The following CADPS2 variants were observed in gnomAD, a reference collection of about 807,000 sequenced individuals.
The protein encoded by CADPS2 is calcium dependent secretion activator 2, also known as calcium-dependent secretion activator 2.
Under a neutral mutation model 172.5 loss-of-function variants are expected in CADPS2, and 93 were observed. That is an observed-to-expected ratio of 0.54 (90% CI 0.46 to 0.64). The LOEUF (loss-of-function observed/expected upper bound fraction) is 0.64, where lower values mean the gene tolerates loss of function less well. Among genes scored for constraint, CADPS2 ranks in the 30% least tolerant of loss-of-function variants. CADPS2 has a pLI of 0.00. For synonymous variants in CADPS2, 546 were observed against 555.2 expected, an observed-to-expected ratio of 0.98 and a Z score of 0.23; for missense variants, 1,420 against 1,565.9, an observed-to-expected ratio of 0.91 and a Z score of 1.57.
chr7:122,474,472 G>C lies in CADPS2; in HGVS notation c.1907C>G (p.Ala636Gly). ...GGCATGATCAAGCTTGCAGGGGTTTGCAGAAATAAACTCATCCATACCATG... is the reference window on the plus strand; with the variant it reads ...GGCATGATCAAGCTTGCAGGGGTTTCCAGAAATAAACTCATCCATACCATG... ...QKHGMDEFIS[A>G]NPCKLDHAFL... Residue 636 changes from alanine to glycine, a missense_variant, in exon 13 of 30, where the codon GCA becomes GGA. Coordinates refer to ENST00000449022, the MANE Select transcript of CADPS2 (RefSeq NM_017954.11). 1 of 1,613,312 alleles carries C rather than the reference G, an allele frequency of 6.2e-7. No homozygotes were observed. The highest frequency in any genetic ancestry group is 8.5e-7 in the Non-Finnish European group (1 of 1,179,584).
In CADPS2 at chr7:122,508,686, G is replaced by A. The variant is rs1262901026; in HGVS notation, c.1542+4563C>T. 2.6e-5 allele frequency among the ~76,000 whole-genome samples: 4 copies of A among 151,226 alleles called. No individual in the cohort carries two copies. The South Asian group carries it at 8.4e-4, about 32-fold the overall frequency. On this transcript the variant is annotated intron_variant, in intron 9 of 29. Transcript: ENST00000449022. ...CTTCTCATGGATATATTTTTAAAGGGGAAACAAAGCAACTCACAGAATAAA... is the reference window on the plus strand; with the variant it reads ...CTTCTCATGGATATATTTTTAAAGGAGAAACAAAGCAACTCACAGAATAAA...
At chr7:122,857,996 C>T (rs2079419) in intron 1 of CADPS2, among the ~76,000 whole-genome samples, 67,116 of 151,910 alleles carry the variant, frequency 0.44, 17,253 homozygotes, top group African/African-American at 0.72. Context: ...CAACATTTAT[C>T]GTGAAGAGCG....
chr7:122,760,031 T>A lies in CADPS2; in HGVS notation c.340-22963A>T, dbSNP rs572622530. 1.3e-4 allele frequency among the ~76,000 whole-genome samples: 19 copies of A among 151,960 alleles called. No homozygotes were observed. The South Asian group carries it at 3.7e-3, about 30-fold the overall frequency. On this transcript the variant is annotated intron_variant, in intron 1 of 29. Transcript: ENST00000449022. Reference sequence around the variant, plus strand: ...ACACACACACGGCACAGCACATATATTTACCTATGCTTATAGTACAATGAA... The same window carrying A: ...ACACACACACGGCACAGCACATATAATTACCTATGCTTATAGTACAATGAA...
At chr7:122,600,690 G>A (rs1040197081) in intron 6 of CADPS2, among the ~76,000 whole-genome samples, 27 of 152,192 alleles carry the variant, frequency 1.8e-4, no homozygotes, top group African/African-American at 6.5e-4. Context: ...AACTTGTTAT[G>A]ACATGAGTTT....
At chr7:122,781,494 A>T (rs1792710631) in intron 1 of CADPS2, among the ~76,000 whole-genome samples, 1 of 152,122 alleles carries the variant, frequency 6.6e-6, no homozygotes, top group African/African-American at 2.4e-5. Context: ...CTGTATTGTA[A>T]TACATAAGAG....
At chr7:122,522,652 G>A (rs1350390403) in intron 8 of CADPS2, among the ~76,000 whole-genome samples, 2 of 151,932 alleles carry the variant, frequency 1.3e-5, no homozygotes, top group Non-Finnish European at 2.9e-5. Flanking sequence ...TTAAACAGTA[G>A]AACTTATTCC....
intron 1 of CADPS2, among the ~76,000 whole-genome samples, chr7:122,760,962 T>A (rs921633778): frequency 6.6e-6 from 1 of 151,984 alleles, no homozygotes; most frequent in African/African-American, 2.4e-5. Context: ...TAAAGTATGA[T>A]AATAATAAAA....
intron 8 of CADPS2, among the ~76,000 whole-genome samples, chr7:122,539,914 A>C (rs2131561072): frequency 6.6e-6 from 1 of 152,060 alleles, no homozygotes; most frequent in South Asian, 2.1e-4. Flanking sequence ...CCATTTTCCT[A>C]ATGTGTCCTT....
intron 1 of CADPS2, among the ~76,000 whole-genome samples, chr7:122,809,004 C>T (rs570134373): frequency 3.1e-4 from 47 of 152,264 alleles, no homozygotes; most frequent in African/African-American, 1.1e-3. Context: ...GGAGGGGACA[C>T]TTACAGGCTC....
chr7:122,681,338 T>C (rs1211168241), intron 2 of CADPS2: 3 of 1,391,218 alleles, frequency 2.2e-6, no homozygotes, highest in Non-Finnish European at 3.0e-6. Flanking sequence ...GAAGGAACAA[T>C]GGTCGTGCCA....
chr7:122,663,629 A>T (rs950678260), intron 2 of CADPS2, 60 bp from the exon 3 acceptor site: 28 of 1,266,150 alleles, frequency 2.2e-5, no homozygotes, highest in Non-Finnish European at 3.0e-5. Context: ...GTAGATGCTA[A>T]CACCACTTGC....
At chr7:122,652,376 GTTGA>G (rs2079248572) in intron 3 of CADPS2, among the ~76,000 whole-genome samples, 1 of 152,084 alleles carries the variant, frequency 6.6e-6, no homozygotes, top group Non-Finnish European at 1.5e-5. Flanking sequence ...AGGAAAGGCA[GTTGA>G]TTAACTGGTA....
chr7:122,647,032 G>A (rs2078636538), intron 3 of CADPS2, among the ~76,000 whole-genome samples: 1 of 152,102 alleles, frequency 6.6e-6, no homozygotes, highest in South Asian at 2.1e-4. Context: ...GAAGAACTAG[G>A]TATTGGATGA....
chr7:122,862,421 T>C (rs1290100097), intron 1 of CADPS2, among the ~76,000 whole-genome samples: 1 of 152,178 alleles, frequency 6.6e-6, no homozygotes, highest in Admixed American at 6.5e-5. Flanking sequence ...AGGAGATTTA[T>C]CCCTAGCCTC....
At chr7:122,812,421 A>AAG (rs1215740976) in intron 1 of CADPS2, among the ~76,000 whole-genome samples, 59 of 145,578 alleles carry the variant, frequency 4.1e-4, no homozygotes, top group Non-Finnish European at 5.5e-4. Context: ...AAAAAAAAAA[A>AAG]AGAGAGAGAG....
intron 3 of CADPS2, among the ~76,000 whole-genome samples, chr7:122,657,373 G>A (rs563338925): frequency 1.3e-5 from 2 of 152,232 alleles, no homozygotes; most frequent in South Asian, 2.1e-4. Flanking sequence ...GATGGGGATG[G>A]CATTGAATCT....
chr7:122,616,283 A>G (rs1455992055), intron 5 of CADPS2, among the ~76,000 whole-genome samples: 1 of 152,112 alleles, frequency 6.6e-6, no homozygotes, highest in Admixed American at 6.5e-5. Flanking sequence ...TTATGCAGCG[A>G]CCAAAACATC....
intron 13 of CADPS2, among the ~76,000 whole-genome samples, chr7:122,472,297 A>C (rs1399860161): frequency 7.2e-6 from 1 of 139,104 alleles, no homozygotes; most frequent in Non-Finnish European, 1.6e-5. Context: ...GGGCAGGGTA[A>C]TCATGTAAGA....
At chr7:122,805,112 C>G (rs973788858) in intron 1 of CADPS2, among the ~76,000 whole-genome samples, 2 of 152,052 alleles carry the variant, frequency 1.3e-5, no homozygotes, top group Admixed American at 6.6e-5. Context: ...CATAGCTAAC[C>G]CCCAGCAAGG....
Sources: allele counts gnomAD v4.1 joint callset (sites outside exome capture counted in the v4.1 genomes callset), GRCh38; gene constraint gnomAD v4.1.1; transcripts MANE v1.5; gene names NCBI Gene and HGNC (gene_info 2026-07-23, HGNC 2026-07-21).